The following RASGRP1 variants were observed in gnomAD, a reference collection of about 807,000 sequenced individuals.
RASGRP1 encodes the protein RAS guanyl-releasing protein 1.
A neutral mutation model predicts 95.1 loss-of-function variants in RASGRP1; 37 were observed. The ratio of observed to expected loss-of-function variants is 0.39; its 90% CI spans 0.30 to 0.51. RASGRP1 has a LOEUF of 0.51. Ranked by LOEUF, RASGRP1 falls within the 20% of genes least tolerant of loss-of-function variation. RASGRP1 has a pLI of 0.80. For missense variants in RASGRP1, 711 were observed against 965.4 expected, an observed-to-expected ratio of 0.74 and a Z score of 3.49; for synonymous variants, 325 against 353.4, an observed-to-expected ratio of 0.92 and a Z score of 0.90.
Position 38,489,258 on chromosome 15 carries a change from T to TCA in RASGRP1, c.*1295_*1296insTG, listed in dbSNP as rs1890477183. The TCA allele has an allele frequency of 6.6e-6, 1 of 151,946 alleles. No individual in the cohort carries two copies. Among genetic ancestry groups the TCA allele is most frequent in the Non-Finnish European group, 1.5e-5 (1 of 67,862 alleles). 9.4% of individuals were successfully genotyped at this position (151,946 alleles called of 1,614,324 possible). A position where few individuals can be genotyped will look rare whatever the true frequency, so the allele number is the denominator to read the frequency against. ...GGAAAATGATCATATGATTTTTTTT[T>TCA]TTTTAAGAGAACTAAAAAGAGGCTG... On this transcript the variant is annotated 3_prime_UTR_variant, in exon 17 of 17. Transcript: ENST00000310803.
chr15:38,503,311 A>G lies in RASGRP1; in HGVS notation c.1389T>C (p.Asp463=), dbSNP rs1891112220. 8 of 1,612,928 alleles carry G rather than the reference A, an allele frequency of 5.0e-6. No homozygotes were observed. Among genetic ancestry groups the G allele is most frequent in the Non-Finnish European group, 6.8e-6 (8 of 1,179,458 alleles). ...DWASGVSPKP[D]PKTISKHVQR... ...GGACGTGTTTGCTAATGGTTTTTGG[A>G]TCAGGTTTGGGAGACACTCCAGAAG... The change falls in exon 11 of 17, where the codon GAT becomes GAC. Residue 463 remains aspartate, a synonymous_variant. Transcript: ENST00000310803.
chr15:38,557,448 T>G (rs1045104452), intron 2 of RASGRP1, among the ~76,000 whole-genome samples: 1 of 152,152 alleles, frequency 6.6e-6, no homozygotes, highest in African/African-American at 2.4e-5. Context: ...CCCGCAGCAT[T>G]CCCTTGGCCC....
chr15:38,555,691 G>A (rs770558590), intron 2 of RASGRP1, among the ~76,000 whole-genome samples: 5 of 152,138 alleles, frequency 3.3e-5, no homozygotes, highest in Non-Finnish European at 5.9e-5. Flanking sequence ...TTTCAGAGCT[G>A]TTCTCAGTAT....
At chr15:38,522,596 T>C (rs978025318) in intron 3 of RASGRP1, among the ~76,000 whole-genome samples, 2 of 152,140 alleles carry the variant, frequency 1.3e-5, no homozygotes, top group Admixed American at 6.5e-5. Context: ...AGAAGTATTT[T>C]TAAAAGGGGA....
intron 8 of RASGRP1, among the ~76,000 whole-genome samples, chr15:38,510,185 GA>G (rs1891446311): frequency 6.6e-6 from 1 of 152,218 alleles, no homozygotes; most frequent in African/African-American, 2.4e-5. Flanking sequence ...CTACCGACAG[GA>G]AGCACTGCTG....
At position 38,502,292 on chromosome 15, in the gene RASGRP1, T is replaced by G. The variant is rs577818290; in HGVS notation, c.1538+20A>C. The stretch of plus-strand genomic sequence containing the variant: ...CACCAATGGGCTCATAACCACATAT[T>G]CCTAAGTACAAACCCTCACCTGTCT... On this transcript the variant is annotated intron_variant, in intron 12 of 16. Transcript: ENST00000310803. The G allele has an allele frequency of 1.3e-6, 2 of 1,518,444 alleles. No homozygotes were observed. The highest frequency in any genetic ancestry group is 2.7e-5 in the African/African-American group (2 of 72,870). The allele number at this position is 1,518,444 out of a possible 1,614,324, so 94.1% of individuals were successfully genotyped here.
At chr15:38,536,219 C>T (rs1232090438) in intron 2 of RASGRP1, among the ~76,000 whole-genome samples, 1 of 152,184 alleles carries the variant, frequency 6.6e-6, no homozygotes, top group Non-Finnish European at 1.5e-5. Flanking sequence ...GGCTCATAGA[C>T]ATTGACCATT....
At chr15:38,526,641 G>A (rs988734519) in intron 2 of RASGRP1, among the ~76,000 whole-genome samples, 5 of 152,072 alleles carry the variant, frequency 3.3e-5, no homozygotes, top group Non-Finnish European at 7.4e-5. Context: ...TGGTAAAATC[G>A]GGAAAGGGAT....
chr15:38,518,580 G>A (rs1339281511), intron 4 of RASGRP1, among the ~76,000 whole-genome samples, 157 bp from the exon 5 acceptor site: 1 of 152,140 alleles, frequency 6.6e-6, no homozygotes, highest in East Asian at 1.9e-4. Context: ...GTGGGAGCAG[G>A]GAAGGAAGAA....
intron 6 of RASGRP1, among the ~76,000 whole-genome samples, chr15:38,513,842 C>T (rs761284673): frequency 6.6e-6 from 1 of 152,164 alleles, no homozygotes; most frequent in Non-Finnish European, 1.5e-5. Flanking sequence ...CAACTCTTCC[C>T]TTTGAAAGAA....
chr15:38,550,162 A>T (rs1210374329), intron 2 of RASGRP1, among the ~76,000 whole-genome samples: 1 of 150,328 alleles, frequency 6.7e-6, no homozygotes, highest in African/African-American at 2.5e-5. Flanking sequence ...AGGCACGAGA[A>T]TCACTTGAAC....
chr15:38,517,324 G>A (rs920525229), intron 5 of RASGRP1, among the ~76,000 whole-genome samples: 1 of 152,204 alleles, frequency 6.6e-6, no homozygotes, highest in African/African-American at 2.4e-5. Context: ...GAGAGCTGGG[G>A]TTGAGAATTG....
chr15:38,534,478 A>T (rs1892561377), intron 2 of RASGRP1: 1 of 152,242 alleles, frequency 6.6e-6, no homozygotes, highest in African/African-American at 2.4e-5. Context: ...TCTTGGTTAC[A>T]ATTGGCTTTT....
chr15:38,547,164 G>A (rs1292405956), intron 2 of RASGRP1, among the ~76,000 whole-genome samples: 1 of 152,176 alleles, frequency 6.6e-6, no homozygotes, highest in Non-Finnish European at 1.5e-5. Context: ...AACTGTTTAT[G>A]TGGATTTTCA....
In RASGRP1 at chr15:38,490,683, T is replaced by G. The variant is rs771745444; in HGVS notation, c.2265A>C (p.Ile755=). 54 of 1,610,088 alleles carry G rather than the reference T, an allele frequency of 3.4e-5. No homozygotes were observed. The highest frequency in any genetic ancestry group is 4.2e-5 in the Non-Finnish European group (50 of 1,177,884). Residue 755 remains isoleucine (I), a synonymous_variant, in exon 17 of 17, where the codon ATA becomes ATC. Coordinates refer to ENST00000310803, the MANE Select transcript of RASGRP1 (RefSeq NM_005739.4). ...CATCATTATCTGCTTTCAGAGTATT[T>G]ATTTCCTAAAGGGAAAGGAGAATGA... ...LPTYQELEQE[I]NTLKADNDAL...
intron 2 of RASGRP1, among the ~76,000 whole-genome samples, chr15:38,540,090 T>A (rs904833454): frequency 2.6e-5 from 4 of 151,944 alleles, no homozygotes; most frequent in Middle Eastern, 3.2e-3. Context: ...CTAATTCTTT[T>A]TTATTATTAT....
chr15:38,518,183 A>G, intron 5 of RASGRP1, 109 bp downstream of exon 5: 1 of 1,044,336 alleles, frequency 9.6e-7, no homozygotes, highest in Non-Finnish European at 1.4e-6. Context: ...CTCAGAGTGG[A>G]GAAAGAGAGC....
In RASGRP1 at chr15:38,535,957, C is replaced by A. The variant is rs148510027; in HGVS notation, c.221-9553G>T. On this transcript the variant is annotated intron_variant, in intron 2 of 16. Coordinates refer to ENST00000310803, the MANE Select transcript of RASGRP1 (RefSeq NM_005739.4). Reference sequence around the variant, plus strand: ...CAAGTCTGTGGGTGGGGTTTGGGGACTGGGGCTAGGAAATAAACAGAAGAG... The same window carrying A: ...CAAGTCTGTGGGTGGGGTTTGGGGAATGGGGCTAGGAAATAAACAGAAGAG... Among the ~76,000 whole-genome samples, 272 of 152,144 alleles carry A rather than the reference C, an allele frequency of 1.8e-3. 1 individual carries two copies. The highest frequency in any genetic ancestry group is 6.0e-3 in the African/African-American group (250 of 41,518).
At chr15:38,498,417 A>C (rs1180674915) in intron 15 of RASGRP1, among the ~76,000 whole-genome samples, 1 of 152,168 alleles carries the variant, frequency 6.6e-6, no homozygotes, top group African/African-American at 2.4e-5. Flanking sequence ...TTATATATAC[A>C]CACACATATA....
Sources: allele counts gnomAD v4.1 joint callset (sites outside exome capture counted in the v4.1 genomes callset), GRCh38; gene constraint gnomAD v4.1.1; transcripts MANE v1.5; gene names NCBI Gene and HGNC (gene_info 2026-07-23, HGNC 2026-07-21).